CLSTN2: variants seen among roughly 807,000 people sequenced by gnomAD.
CLSTN2 encodes the protein calsyntenin 2, also known as calsyntenin-2.
A neutral mutation model predicts 101.2 loss-of-function variants in CLSTN2; 48 were observed. The observed-to-expected ratio is 0.47, with a 90% confidence interval of 0.38 to 0.60. The LOEUF (loss-of-function observed/expected upper bound fraction) is 0.60, where lower values mean the gene tolerates loss of function less well. CLSTN2 is among the 20% of genes least tolerant of loss of function. The pLI is 0.00. For missense variants in CLSTN2, 1,160 were observed against 1,238.2 expected (o/e 0.94, Z 0.95); for synonymous variants, 481 against 463.6 (o/e 1.04, Z -0.48).
intron 2 of CLSTN2, among the ~76,000 whole-genome samples, chr3:140,198,952 C>T (rs556955618): frequency 3.9e-5 from 6 of 152,146 alleles, no homozygotes; most frequent in Admixed American, 3.3e-4. Context: ...CTGCCTGGCT[C>T]TCAGCATCTA....
At chr3:140,244,010 T>C (rs1023625200) in intron 2 of CLSTN2, among the ~76,000 whole-genome samples, 2 of 152,132 alleles carry the variant, frequency 1.3e-5, no homozygotes, top group African/African-American at 4.8e-5. Context: ...CCATGGTCCC[T>C]CTCCTGTCAG....
Position 140,404,592 on chromosome 3 carries a change from G to A in CLSTN2, c.463G>A (p.Glu155Lys), listed in dbSNP as rs774984260. ...CCATATACAGGTGAAGGATGTCAAC[G>A]AGTTTGCTCCCACCTTCAAAGAGCC... Reference protein sequence around the residue: ...VVHIQVKDVNEFAPTFKEPAY... With the variant: ...VVHIQVKDVNKFAPTFKEPAY... The change falls in exon 4 of 17, where the codon GAG becomes AAG. Residue 155 changes from glutamate (E) to lysine (K), a missense_variant. Transcript: ENST00000458420. 9 of 1,614,070 alleles carry A rather than the reference G, an allele frequency of 5.6e-6. No individual in the cohort carries two copies. The highest frequency in any genetic ancestry group is 2.7e-5 in the African/African-American group (2 of 74,926).
rs180736095 is a variant in CLSTN2, at chr3:139,996,730, A to G, written c.109+61247A>G. Among the ~76,000 whole-genome samples the G allele has an allele frequency of 2.9e-3, 436 of 152,250 alleles. 1 individual carries two copies. The highest frequency in any genetic ancestry group is 3.4e-3 in the Non-Finnish European group (228 of 68,012). On this transcript the variant is annotated intron_variant, in intron 1 of 16. Coordinates refer to ENST00000458420, the MANE Select transcript of CLSTN2 (RefSeq NM_022131.3). ...AGCATTTCTTCATATGTTACTAGCT[A>G]TAAGTGTTTAATTATCTGTGAAAAT... is the stretch of plus-strand genomic sequence containing the variant.
At chr3:140,227,617 C>T (rs1402864065) in intron 2 of CLSTN2, among the ~76,000 whole-genome samples, 1 of 152,216 alleles carries the variant, frequency 6.6e-6, no homozygotes, top group Non-Finnish European at 1.5e-5. Context: ...GCTTAGAACC[C>T]ACATTTCTCT....
intron 1 of CLSTN2, among the ~76,000 whole-genome samples, chr3:140,148,949 G>A (rs375454869): frequency 3.3e-4 from 50 of 152,258 alleles, no homozygotes; most frequent in African/African-American, 1.2e-3. Context: ...GGTTTACTAT[G>A]GGGGAGAGGC....
intron 1 of CLSTN2, among the ~76,000 whole-genome samples, chr3:140,040,472 C>T (rs1398526103): frequency 6.6e-6 from 1 of 151,980 alleles, no homozygotes; most frequent in Non-Finnish European, 1.5e-5. Flanking sequence ...AGATTCCTCA[C>T]CCCTGGCAAG....
At chr3:140,455,401 A>G (rs770152355) in intron 6 of CLSTN2, among the ~76,000 whole-genome samples, 6 of 152,254 alleles carry the variant, frequency 3.9e-5, no homozygotes, top group Non-Finnish European at 8.8e-5. Context: ...TAAGAAGTTC[A>G]GACAGTAACT....
At chr3:140,069,865 G>T (rs867550451) in intron 1 of CLSTN2, among the ~76,000 whole-genome samples, 4 of 152,206 alleles carry the variant, frequency 2.6e-5, no homozygotes, top group Non-Finnish European at 4.4e-5. Context: ...GACAATCCAT[G>T]ATCTCAATAA....
At chr3:140,265,534 A>C (rs370119104) in intron 2 of CLSTN2, among the ~76,000 whole-genome samples, 1 of 152,342 alleles carries the variant, frequency 6.6e-6, no homozygotes, top group Admixed American at 6.5e-5. Context: ...AGCTTTTGTC[A>C]AAAAAGATAA....
intron 8 of CLSTN2, among the ~76,000 whole-genome samples, chr3:140,526,591 C>CAA (rs1277569697): frequency 1.7e-5 from 2 of 115,752 alleles, no homozygotes; most frequent in African/African-American, 3.4e-5. Flanking sequence ...AACAAACAAA[C>CAA]AAACAAAAAA....
intron 8 of CLSTN2, among the ~76,000 whole-genome samples, chr3:140,504,728 T>C (rs544522828): frequency 6.6e-6 from 1 of 152,352 alleles, no homozygotes; most frequent in African/African-American, 2.4e-5. Context: ...ACTCACAAAG[T>C]CTATCCTAGG....
At chr3:140,382,764 C>T (rs769216228) in intron 2 of CLSTN2, among the ~76,000 whole-genome samples, 5 of 152,176 alleles carry the variant, frequency 3.3e-5, no homozygotes, top group African/African-American at 7.2e-5. Context: ...TCCTGGCTTA[C>T]GGACTGCTGG....
intron 5 of CLSTN2, among the ~76,000 whole-genome samples, chr3:140,435,060 T>C (rs2088672836): frequency 6.6e-6 from 1 of 152,194 alleles, no homozygotes; most frequent in Non-Finnish European, 1.5e-5. Context: ...ATCCTCTGAG[T>C]TTCAGTCAAT....
chr3:140,297,979 T>C (rs569654857), intron 2 of CLSTN2, among the ~76,000 whole-genome samples: 1 of 152,350 alleles, frequency 6.6e-6, no homozygotes, highest in South Asian at 2.1e-4. Flanking sequence ...TGTGTACTGC[T>C]TTTATACAAT....
intron 1 of CLSTN2, among the ~76,000 whole-genome samples, chr3:140,153,156 C>T (rs2009893960): frequency 6.6e-6 from 1 of 152,222 alleles, no homozygotes; most frequent in Admixed American, 6.5e-5. Context: ...GGTCCTGGTA[C>T]ATGTCCCCTG....
chr3:140,377,201 T>A (rs1051238129), intron 2 of CLSTN2, among the ~76,000 whole-genome samples: 2 of 152,242 alleles, frequency 1.3e-5, no homozygotes, highest in Non-Finnish European at 2.9e-5. Context: ...ACTCATGTGT[T>A]TGTGGTGATG....
At chr3:140,512,675 T>G (rs1236398518) in intron 8 of CLSTN2, among the ~76,000 whole-genome samples, 1 of 152,234 alleles carries the variant, frequency 6.6e-6, no homozygotes, top group Non-Finnish European at 1.5e-5. Context: ...TTCATGGGAA[T>G]AGCATTGAAT....
chr3:140,542,351 TG>T (rs1344093009), intron 9 of CLSTN2, among the ~76,000 whole-genome samples: 1 of 152,156 alleles, frequency 6.6e-6, no homozygotes, highest in African/African-American at 2.4e-5. Context: ...ATACAGAAAA[TG>T]CTTTAAAAAT....
At chr3:139,999,295 T>C (rs1301731507) in intron 1 of CLSTN2, among the ~76,000 whole-genome samples, 1 of 152,206 alleles carries the variant, frequency 6.6e-6, no homozygotes, top group African/African-American at 2.4e-5. Context: ...GTCTGTTGTT[T>C]CCATGTTTAT....
Sources: gnomAD v4.1 joint callset for allele counts (sites outside exome capture counted in the v4.1 genomes callset) on GRCh38, gnomAD v4.1.1 for gene constraint, MANE v1.5 for transcripts, NCBI Gene and HGNC (gene_info 2026-07-23, HGNC 2026-07-21) for gene names.